PIK3C2A: variants seen among roughly 807,000 people sequenced by gnomAD.
PIK3C2A encodes phosphatidylinositol 4-phosphate 3-kinase C2 domain-containing subunit alpha.
Under a neutral mutation model 204.5 loss-of-function variants are expected in PIK3C2A, and 97 were observed. That is an observed-to-expected ratio of 0.47 (90% confidence interval 0.40 to 0.56). The LOEUF is 0.56. PIK3C2A is among the 20% of genes least tolerant of loss of function. The pLI, the probability that PIK3C2A is intolerant of heterozygous loss-of-function variation, is 0.00. For synonymous variants in PIK3C2A, 653 were observed against 664.4 expected, an observed-to-expected ratio of 0.98 and a Z score of 0.26; for missense variants, 1,735 against 1,969.2, an observed-to-expected ratio of 0.88 and a Z score of 2.25.
At position 17,112,639 on chromosome 11, in the gene PIK3C2A, C is replaced by T; in HGVS notation, c.3349G>A (p.Val1117Ile). 1 of 1,544,664 alleles carries T rather than the reference C, an allele frequency of 6.5e-7. No individual in the cohort carries two copies. Residue 1117 changes from valine to isoleucine, a missense_variant, in exon 21 of 33, where the codon GTC (valine) becomes ATC (isoleucine). Val to Ile is a conservative substitution (Grantham distance 29, BLOSUM62 3). Around this residue, in one of 6 missense-constraint regions of PIK3C2A, gnomAD observed 567 missense variants for 576.0 expected, o/e 0.98. Transcript: ENST00000691414. ...TTCACCATTGTGACTTTTAGGGGGACAGCATTAGAACTGAAGAAGGAACAC... is the reference window on the plus strand; with the variant it reads ...TTCACCATTGTGACTTTTAGGGGGATAGCATTAGAACTGAAGAAGGAACAC... Reference protein sequence around the residue: ...KSCSFFSSNAVPLKVTMVNAD... With the variant: ...KSCSFFSSNAIPLKVTMVNAD...
chr11:17,122,885 G>T (rs913346991), intron 13 of PIK3C2A, 72 bp from the exon 14 acceptor site: 1 of 675,030 alleles, frequency 1.5e-6, no homozygotes, highest in East Asian at 2.7e-5. Context: ...CACATGTAAT[G>T]AATTTGAAAA....
intron 1 of PIK3C2A, 43 bp from the exon 2 acceptor site, chr11:17,169,849 CATAAAT>C (rs1851103162): frequency 2.7e-6 from 2 of 754,466 alleles, no homozygotes; most frequent in Non-Finnish European, 4.2e-6. Context: ...GATTTCTAAA[CATAAAT>C]ATATTTTGTT....
chr11:17,138,566 T>A (rs941892790), intron 8 of PIK3C2A, among the ~76,000 whole-genome samples: 1 of 152,176 alleles, frequency 6.6e-6, no homozygotes, highest in Non-Finnish European at 1.5e-5. Context: ...ACTGTCCTTT[T>A]TTCCTCAGCC....
chr11:17,108,299 G>GAC (rs1262072218), intron 22 of PIK3C2A, among the ~76,000 whole-genome samples: 1 of 152,198 alleles, frequency 6.6e-6, no homozygotes, highest in Non-Finnish European at 1.5e-5. Flanking sequence ...ATGGTTCTAA[G>GAC]ACACAAAAAT....
intron 23 of PIK3C2A, 140 bp downstream of exon 23, chr11:17,105,029 C>T (rs1337550924): frequency 1.5e-6 from 1 of 645,826 alleles, no homozygotes; most frequent in Non-Finnish European, 2.7e-6. Flanking sequence ...ACATTCTTTC[C>T]TATACTTAGA....
At position 17,145,823 on chromosome 11, in the gene PIK3C2A, A is replaced by G. The variant is rs768280575; in HGVS notation, c.1640+40T>C. On this transcript the variant is annotated intron_variant, in intron 7 of 32. Transcript: ENST00000691414. ...AATAAGTGTATTTGCATCCAAAAACAAAGTCTGAAAACCTGCAATTAATGC... is the reference window on the plus strand; with the variant it reads ...AATAAGTGTATTTGCATCCAAAAACGAAGTCTGAAAACCTGCAATTAATGC... The G allele has an allele frequency of 1.4e-5, 22 of 1,587,758 alleles. No individual in the cohort carries two copies. In the Admixed American group the frequency reaches 3.7e-4, roughly 27 times the overall value.
chr11:17,202,057 A>G (rs995636627), intron 1 of PIK3C2A, among the ~76,000 whole-genome samples: 2 of 152,008 alleles, frequency 1.3e-5, no homozygotes, highest in Non-Finnish European at 2.9e-5. Context: ...GGAGTTCAAG[A>G]CCAGCCTGGC....
intron 27 of PIK3C2A, among the ~76,000 whole-genome samples, chr11:17,096,324 C>A (rs915683026): frequency 2.2e-4 from 34 of 152,168 alleles, no homozygotes; most frequent in African/African-American, 8.0e-4. Flanking sequence ...AGGCATGAGC[C>A]ACTGCGCCCG....
intron 1 of PIK3C2A, among the ~76,000 whole-genome samples, chr11:17,174,438 A>C (rs1168608169): frequency 1.2e-5 from 1 of 84,214 alleles, no homozygotes; most frequent in African/African-American, 4.9e-5. Flanking sequence ...AAAAAAATAC[A>C]AAAAAATTAG....
Position 17,142,632 on chromosome 11 carries a change from C to T in PIK3C2A, c.1704+3036G>A, listed in dbSNP as rs555552842. Among the ~76,000 whole-genome samples the T allele has an allele frequency of 4.6e-5, 7 of 151,976 alleles. No individual in the cohort carries two copies. The South Asian group carries it at 1.5e-3, about 32-fold the overall frequency. On this transcript the variant is annotated intron_variant, in intron 8 of 32. Coordinates refer to ENST00000691414, the MANE Select transcript of PIK3C2A (RefSeq NM_002645.4). ...GAGTTCAAGACCAGCCCAGACAACA[C>T]AGAGAAATCTGCAGGGGGTTGCAGC...
intron 2 of PIK3C2A, among the ~76,000 whole-genome samples, chr11:17,167,780 A>G (rs954251261): frequency 2.0e-5 from 3 of 152,242 alleles, no homozygotes; most frequent in African/African-American, 7.2e-5. Flanking sequence ...AATTCACGTT[A>G]AAGTGAGAAT....
intron 20 of PIK3C2A, among the ~76,000 whole-genome samples, chr11:17,113,261 T>C (rs1359801996): frequency 6.6e-6 from 1 of 152,122 alleles, no homozygotes; most frequent in Non-Finnish European, 1.5e-5. Context: ...CATATATGAC[T>C]AAAATATCAT....
chr11:17,096,778 C>G (rs969869085), intron 27 of PIK3C2A, among the ~76,000 whole-genome samples: 2 of 152,244 alleles, frequency 1.3e-5, no homozygotes, highest in South Asian at 4.1e-4. Context: ...GGAATAGGAA[C>G]TTTGACTTTT....
intron 27 of PIK3C2A, among the ~76,000 whole-genome samples, chr11:17,096,639 C>CA (rs1277173325): frequency 1.3e-5 from 2 of 151,994 alleles, no homozygotes; most frequent in Non-Finnish European, 2.9e-5. Flanking sequence ...TATTATCTAA[C>CA]AAAAAAGGTA....
At chr11:17,113,255 T>C (rs1385818179) in intron 20 of PIK3C2A, among the ~76,000 whole-genome samples, 1 of 152,130 alleles carries the variant, frequency 6.6e-6, no homozygotes, top group African/African-American at 2.4e-5. Context: ...ACATAGCATA[T>C]ATGACTAAAA....
intron 1 of PIK3C2A, among the ~76,000 whole-genome samples, chr11:17,196,109 C>CA (rs899072056): frequency 7.3e-5 from 11 of 150,888 alleles, no homozygotes; most frequent in South Asian, 2.1e-4. Flanking sequence ...AGAAAAGAAA[C>CA]AAAAAAAAAT....
intron 28 of PIK3C2A, among the ~76,000 whole-genome samples, chr11:17,093,400 G>A (rs538754353): frequency 7.9e-5 from 12 of 152,242 alleles, no homozygotes; most frequent in African/African-American, 2.9e-4. Flanking sequence ...CCAAGTAGCT[G>A]GGACTACAGG....
intron 2 of PIK3C2A, among the ~76,000 whole-genome samples, chr11:17,157,853 T>G (rs544041535): frequency 4.6e-5 from 7 of 152,336 alleles, no homozygotes; most frequent in East Asian, 3.9e-4. Context: ...GATTTTATAT[T>G]TCCTAGCAAA....
chr11:17,107,416 C>A (rs1848861045), intron 22 of PIK3C2A, among the ~76,000 whole-genome samples: 1 of 152,016 alleles, frequency 6.6e-6, no homozygotes, highest in South Asian at 2.1e-4. Flanking sequence ...AGAAAGATCT[C>A]AAAAATAATG....
Sources: gnomAD v4.1 joint callset for allele counts (sites outside exome capture counted in the v4.1 genomes callset) on GRCh38, gnomAD v4.1.1 for gene constraint, gnomAD v4.1.1 regional missense constraint, MANE v1.5 for transcripts, NCBI Gene and HGNC (gene_info 2026-07-23, HGNC 2026-07-21) for gene names.